CDH4: variants seen among roughly 807,000 people sequenced by gnomAD.
The protein encoded by CDH4 is cadherin 4.
Under a neutral mutation model 86.0 loss-of-function variants are expected in CDH4, and 33 were observed. The observed-to-expected ratio is 0.38, with a 90% CI of 0.29 to 0.51. The LOEUF is 0.51. Ranked by LOEUF, CDH4 falls within the 20% of genes least tolerant of loss-of-function variation. The pLI is 0.86. For missense variants in CDH4, 1,114 were observed against 1,307.4 expected (o/e 0.85, Z 2.28); for synonymous variants, 555 against 549.4 (o/e 1.01, Z -0.14).
intron 2 of CDH4, among the ~76,000 whole-genome samples, chr20:61,596,981 G>C (rs927761938): frequency 6.6e-6 from 1 of 152,220 alleles, no homozygotes; most frequent in Non-Finnish European, 1.5e-5. Context: ...AAACAAGTCT[G>C]TGAGGTAGGA....
At chr20:61,442,457 G>A (rs955927928) in intron 2 of CDH4, among the ~76,000 whole-genome samples, 8 of 152,198 alleles carry the variant, frequency 5.3e-5, no homozygotes, top group Non-Finnish European at 1.2e-4. Flanking sequence ...ATAACAGATC[G>A]TGAGAACTCC....
rs1555809003 is a variant in CDH4 at position 61,565,067 on chromosome 20, G to GGTA, written c.170-178494_170-178493insAGT. Among the ~76,000 whole-genome samples, 9 of 126,274 alleles carry GGTA rather than the reference G, an allele frequency of 7.1e-5. 1 individual carries two copies. Among genetic ancestry groups the GGTA allele is most frequent in the Non-Finnish European group, 1.3e-4 (8 of 59,590 alleles). 82.8% of individuals were successfully genotyped at this position (126,274 alleles called of 152,430 possible). A position where few individuals can be genotyped will look rare whatever the true frequency, so the allele number is the denominator to read the frequency against. Reference sequence around the variant, plus strand: ...TGCTGCCACTGGTGGTGCTCTTGGTGGTGGTGGTGGTGGTGGTGGTGCTCT... The same window carrying GGTA: ...TGCTGCCACTGGTGGTGCTCTTGGTGGTAGTGGTGGTGGTGGTGGTGGTGCTCT... On this transcript the variant is annotated intron_variant, in intron 2 of 15. Coordinates refer to ENST00000614565, the MANE Select transcript of CDH4 (RefSeq NM_001794.5).
At chr20:61,815,203 T>C (rs1980650578) in intron 4 of CDH4, among the ~76,000 whole-genome samples, 1 of 152,124 alleles carries the variant, frequency 6.6e-6, no homozygotes, top group Non-Finnish European at 1.5e-5. Flanking sequence ...CTGAGCTACG[T>C]ACGAAGTCCT....
chr20:61,747,362 G>A (rs2088427523), intron 3 of CDH4, among the ~76,000 whole-genome samples: 1 of 151,450 alleles, frequency 6.6e-6, no homozygotes. Flanking sequence ...GCAGGAGAAT[G>A]GCATGAACCT....
intron 4 of CDH4, among the ~76,000 whole-genome samples, chr20:61,813,138 C>T (rs1568829778): frequency 6.6e-6 from 1 of 152,338 alleles, no homozygotes; most frequent in South Asian, 2.1e-4. Context: ...GAATTTCTAA[C>T]GTCCTTGGCA....
chr20:61,431,905 T>C (rs917215028), intron 2 of CDH4, among the ~76,000 whole-genome samples: 1 of 152,164 alleles, frequency 6.6e-6, no homozygotes, highest in African/African-American at 2.4e-5. Context: ...ATATACTTTT[T>C]TGTGCCGGCT....
At chr20:61,490,411 G>T (rs2085619368) in intron 2 of CDH4, among the ~76,000 whole-genome samples, 1 of 152,188 alleles carries the variant, frequency 6.6e-6, no homozygotes, top group African/African-American at 2.4e-5. Context: ...TTTAAAAATT[G>T]TCATGGTGGC....
chr20:61,834,338 C>A (rs534295640), intron 4 of CDH4, among the ~76,000 whole-genome samples: 2 of 152,222 alleles, frequency 1.3e-5, no homozygotes, highest in Non-Finnish European at 2.9e-5. Flanking sequence ...TGGGGTCTGG[C>A]CTCCATCTTT....
At chr20:61,686,520 C>T (rs558471822) in intron 2 of CDH4, among the ~76,000 whole-genome samples, 6 of 141,964 alleles carry the variant, frequency 4.2e-5, no homozygotes, top group South Asian at 2.3e-4. Context: ...TGTGTGCATT[C>T]GTGTGTGCAT....
Position 61,879,955 on chromosome 20 carries a change from C to T in CDH4, c.1050+6055C>T, listed in dbSNP as rs960942864. Reference sequence around the variant, plus strand: ...CTTCCCAAACAAGGGGGGCCGAATTCGTGATCTCCTGGTCTGAAAGGATTC... The same window carrying T: ...CTTCCCAAACAAGGGGGGCCGAATTTGTGATCTCCTGGTCTGAAAGGATTC... On this transcript the variant is annotated intron_variant, in intron 7 of 15. Coordinates refer to ENST00000614565, the MANE Select transcript of CDH4 (RefSeq NM_001794.5). The surrounding 1 kb of genome is among the most constrained non-coding windows in gnomAD (Gnocchi z 4.1). Among the ~76,000 whole-genome samples, 2 of 152,158 alleles carry T rather than the reference C, an allele frequency of 1.3e-5. No homozygotes were observed. Among genetic ancestry groups the T allele is most frequent in the Non-Finnish European group, 2.9e-5 (2 of 68,032 alleles).
intron 4 of CDH4, among the ~76,000 whole-genome samples, chr20:61,820,610 G>A (rs1980967854): frequency 6.6e-6 from 1 of 152,232 alleles, no homozygotes; most frequent in South Asian, 2.1e-4. Flanking sequence ...GGAAGTTGTG[G>A]CCAGGCCACG....
intron 2 of CDH4, among the ~76,000 whole-genome samples, chr20:61,624,757 G>A (rs1364222751): frequency 2.0e-5 from 3 of 152,364 alleles, no homozygotes; most frequent in Admixed American, 2.0e-4. Context: ...TTTACAAAGA[G>A]CTGCAGGGCA....
chr20:61,735,508 C>T (rs2088251745), intron 2 of CDH4, among the ~76,000 whole-genome samples: 1 of 152,106 alleles, frequency 6.6e-6, no homozygotes, highest in Non-Finnish European at 1.5e-5. Flanking sequence ...AATGCAGACC[C>T]CCAAGGGGTT....
At chr20:61,629,087 C>T (rs1352520046) in intron 2 of CDH4, among the ~76,000 whole-genome samples, 1 of 152,272 alleles carries the variant, frequency 6.6e-6, no homozygotes, top group Non-Finnish European at 1.5e-5. Context: ...AGCTTGGCCA[C>T]GCAGGTTCAG....
chr20:61,585,499 T>C (rs1214635814), intron 2 of CDH4, among the ~76,000 whole-genome samples: 2 of 152,256 alleles, frequency 1.3e-5, no homozygotes, highest in Non-Finnish European at 2.9e-5. Flanking sequence ...TAATTTTCAG[T>C]CTCCATATTT....
chr20:61,896,315 C>T (rs893311239), intron 8 of CDH4, among the ~76,000 whole-genome samples: 4 of 152,198 alleles, frequency 2.6e-5, no homozygotes, highest in African/African-American at 4.8e-5. Flanking sequence ...GTGGGTGGGC[C>T]GGCTTGCTGA....
At chr20:61,268,441 G>A (rs561710013) in intron 2 of CDH4, among the ~76,000 whole-genome samples, 1 of 152,360 alleles carries the variant, frequency 6.6e-6, no homozygotes, top group African/African-American at 2.4e-5. Context: ...TCCTGATGCC[G>A]GGTTGGCTTG....
chr20:61,464,510 G>A (rs1233380869), intron 2 of CDH4, among the ~76,000 whole-genome samples: 1 of 152,216 alleles, frequency 6.6e-6, no homozygotes, highest in Non-Finnish European at 1.5e-5. Flanking sequence ...CCTGCCTGCT[G>A]ATGGGATGAG....
At chr20:61,550,538 C>CA (rs1330635505) in intron 2 of CDH4, among the ~76,000 whole-genome samples, 1 of 152,168 alleles carries the variant, frequency 6.6e-6, no homozygotes. Flanking sequence ...CCCATCTACC[C>CA]ACCCCTCCAG....
Sources: allele counts gnomAD v4.1 joint callset (sites outside exome capture counted in the v4.1 genomes callset), GRCh38; gene constraint gnomAD v4.1.1; non-coding constraint Gnocchi (gnomAD v3.1); transcripts MANE v1.5; gene names NCBI Gene and HGNC (gene_info 2026-07-23, HGNC 2026-07-21).